RNFT1: variants seen among roughly 807,000 people sequenced by gnomAD.
The protein encoded by RNFT1 is E3 ubiquitin-protein ligase RNFT1.
RNFT1 carries 35 observed loss-of-function variants against 53.2 expected under a neutral mutation model. The observed-to-expected ratio is 0.66, with a 90% CI of 0.50 to 0.87. The LOEUF (loss-of-function observed/expected upper bound fraction) is 0.87, where lower values mean the gene tolerates loss of function less well. Ranked by LOEUF, RNFT1 falls within the 40% of genes least tolerant of loss-of-function variation. RNFT1 has a pLI of 0.00. For synonymous variants in RNFT1, 141 were observed against 172.8 expected (o/e 0.82, Z 1.44); for missense variants, 421 against 515.0 (o/e 0.82, Z 1.77).
At chr17:59,962,740 CTG>C (rs2045303685) in intron 2 of RNFT1, 85 bp downstream of exon 2, 1 of 1,334,960 alleles carries the variant, frequency 7.5e-7, no homozygotes, top group Non-Finnish European at 1.0e-6. Flanking sequence ...AAATAAGTAA[CTG>C]GATGCATTAA....
chr17:59,952,775 T>C lies in RNFT1; in HGVS notation c.*202A>G, dbSNP rs2045229050. On this transcript the variant is annotated 3_prime_UTR_variant, in exon 9 of 9. Coordinates refer to ENST00000305783, the MANE Select transcript of RNFT1 (RefSeq NM_016125.4). ...ATTAGAATAGAATAAATGTTGCATA[T>C]ACATTAGGTTGAACATTATATATAT... 7.1e-6 allele frequency: 3 copies of C among 421,104 alleles called. No homozygotes were observed. Among genetic ancestry groups the C allele is most frequent in the Non-Finnish European group, 8.4e-6 (2 of 238,642 alleles). 26.1% of individuals were successfully genotyped at this position (421,104 alleles called of 1,614,324 possible). A position where few individuals can be genotyped will look rare whatever the true frequency, so the allele number is the denominator to read the frequency against.
At chr17:59,958,173 A>T (rs1006575289) in intron 5 of RNFT1, 118 bp downstream of exon 5, 2 of 983,132 alleles carry the variant, frequency 2.0e-6, no homozygotes, top group Non-Finnish European at 3.0e-6. Context: ...TAATACAGAT[A>T]ATTAAGCTAG....
chr17:59,961,882 C>CTTTTTT (rs71370154), intron 3 of RNFT1, among the ~76,000 whole-genome samples: 8 of 91,454 alleles, frequency 8.7e-5, no homozygotes, highest in East Asian at 6.8e-4. Context: ...TGGCCCAGGT[C>CTTTTTT]TTTTTTTTTT....
At chr17:59,955,315 T>C (rs184288755) in intron 7 of RNFT1, among the ~76,000 whole-genome samples, 4 of 152,286 alleles carry the variant, frequency 2.6e-5, no homozygotes, top group Admixed American at 2.6e-4. Context: ...GCAAAGTACA[T>C]TTGCAGATAA....
Position 59,963,146 on chromosome 17 carries a change from T to C in RNFT1, c.195A>G (p.Thr65=). Residue 65 remains threonine, a synonymous_variant, in exon 2 of 9, where the codon ACA becomes ACG. Coordinates refer to ENST00000305783, the MANE Select transcript of RNFT1 (RefSeq NM_016125.4). The part of the protein sequence containing the change: ...EDASTPQCVH[T]RLTGEGSCPH... The stretch of plus-strand genomic sequence containing the variant: ...GGCAAGAACCCTCTCCTGTCAATCT[T>C]GTGTGGACACACTGAGGGGTTGAGG... The C allele has an allele frequency of 6.2e-7, 1 of 1,614,266 alleles. No homozygotes were observed. Among genetic ancestry groups the C allele is most frequent in the Non-Finnish European group, 8.5e-7 (1 of 1,180,048 alleles).
chr17:59,956,238 G>A (rs2045253348), intron 7 of RNFT1, among the ~76,000 whole-genome samples: 1 of 152,138 alleles, frequency 6.6e-6, no homozygotes, highest in African/African-American at 2.4e-5. Flanking sequence ...AGAGGCAAGA[G>A]ACAAGTTCAA....
chr17:59,964,553 C>G, intron 1 of RNFT1, 55 bp downstream of exon 1: 3 of 1,538,796 alleles, frequency 1.9e-6, no homozygotes, highest in Non-Finnish European at 1.8e-6. Flanking sequence ...CCCAGAGCCC[C>G]CTGCGCCGCG....
rs199598962 is a variant in RNFT1 at position 59,957,374 on chromosome 17, C to T, written c.855G>A (p.Trp285Ter). 7.7e-5 allele frequency: 123 copies of T among 1,605,296 alleles called. No individual in the cohort carries two copies. In the African/African-American group the frequency reaches 1.5e-3, roughly 20 times the overall value. ...GACACAATTCTTCTAAAAGCATATA[C>T]CAGTAACCCTAAAAAATAAGAAGAA... is the stretch of plus-strand genomic sequence containing the variant. ...FIMPFKSKGY[W>*]YMLLEELCQY... Residue 285 changes from tryptophan (W) to a stop codon, truncating the protein, a stop_gained, in exon 6 of 9, where the codon TGG becomes TGA. Transcript: ENST00000305783. LOFTEE classifies it high-confidence loss of function.
At chr17:59,954,645 T>C in intron 7 of RNFT1, among the ~76,000 whole-genome samples, 1 of 152,228 alleles carries the variant, frequency 6.6e-6, no homozygotes, top group East Asian at 1.9e-4. Context: ...CATATTGGGA[T>C]GTGACCCAGT....
At chr17:59,960,005 C>G (rs1018635419) in intron 4 of RNFT1, 63 bp downstream of exon 4, 2 of 1,480,288 alleles carry the variant, frequency 1.4e-6, no homozygotes, top group Non-Finnish European at 1.8e-6. Context: ...AAGTAAGATA[C>G]AAAGTGCTAT....
At chr17:59,962,427 T>C in intron 3 of RNFT1, 113 bp downstream of exon 3, 1 of 669,108 alleles carries the variant, frequency 1.5e-6, no homozygotes, top group Non-Finnish European at 2.6e-6. Context: ...TGTTACAATA[T>C]ATCCTATTAC....
chr17:59,955,450 T>TC (rs1404359828), intron 7 of RNFT1, among the ~76,000 whole-genome samples: 3 of 152,218 alleles, frequency 2.0e-5, no homozygotes, highest in Non-Finnish European at 2.9e-5. Context: ...ACTGATATCC[T>TC]CTCTGTAGTT....
intron 5 of RNFT1, among the ~76,000 whole-genome samples, chr17:59,957,878 G>T (rs955414632): frequency 4.2e-4 from 64 of 152,014 alleles, no homozygotes; most frequent in African/African-American, 1.4e-3. Flanking sequence ...AAGATACAAT[G>T]AGAATGTTTT....
intron 1 of RNFT1, among the ~76,000 whole-genome samples, chr17:59,964,119 CAG>C (rs1568547916): frequency 1.3e-5 from 2 of 152,146 alleles, no homozygotes; most frequent in Non-Finnish European, 2.9e-5. Flanking sequence ...CTCCTAGAAA[CAG>C]AAGAACAGAG....
chr17:59,957,488 A>G (rs2045261506), intron 5 of RNFT1, 106 bp from the exon 6 acceptor site: 3 of 734,728 alleles, frequency 4.1e-6, no homozygotes, highest in Non-Finnish European at 6.2e-6. Flanking sequence ...TAATATAAAT[A>G]ACTATAAAAT....
Position 59,952,964 on chromosome 17 carries a change from TA to T in RNFT1, c.*12del, listed in dbSNP as rs2045230401. 9.3e-6 allele frequency: 15 copies of T among 1,610,122 alleles called. No individual in the cohort carries two copies. The highest frequency in any genetic ancestry group is 1.2e-5 in the Non-Finnish European group (14 of 1,178,574). On this transcript the variant is annotated 3_prime_UTR_variant, in exon 9 of 9. Transcript: ENST00000305783. ...TGACATTAGTATTTTGTGGCCTTGA[TA>T]GTTTATACAACTTAATATATTTGAA... is the stretch of plus-strand genomic sequence containing the variant.
chr17:59,954,118 T>G lies in RNFT1; in HGVS notation c.1100A>C (p.Gln367Pro), dbSNP rs200572570. ...PSYGVAASKR[Q>P]CSDVDDICSI... ...ACAAATATCATCCACATCTGAACAC[T>G]GTCTCTTGCTGGCAGCCACTCCATA... Residue 367 changes from glutamine to proline, a missense_variant, in exon 8 of 9, where the codon CAG becomes CCG. Coordinates refer to ENST00000305783, the MANE Select transcript of RNFT1 (RefSeq NM_016125.4). The G allele has an allele frequency of 1.9e-6, 3 of 1,601,670 alleles. No individual in the cohort carries two copies. Among genetic ancestry groups the G allele is most frequent in the Non-Finnish European group, 2.6e-6 (3 of 1,176,088 alleles).
chr17:59,960,468 T>TA (rs2045282792), intron 3 of RNFT1, among the ~76,000 whole-genome samples: 7 of 124,218 alleles, frequency 5.6e-5, no homozygotes, highest in Admixed American at 8.0e-5. Context: ...AAAATTAAAT[T>TA]AAATTAAAAA....
chr17:59,953,350 A>G (rs1285397579), intron 8 of RNFT1, among the ~76,000 whole-genome samples: 1 of 152,090 alleles, frequency 6.6e-6, no homozygotes, highest in Non-Finnish European at 1.5e-5. Context: ...GGTGACCACC[A>G]CCACCATGCC....
Sources: gnomAD v4.1 joint callset for allele counts (sites outside exome capture counted in the v4.1 genomes callset) on GRCh38, gnomAD v4.1.1 for gene constraint, MANE v1.5 for transcripts, NCBI Gene and HGNC (gene_info 2026-07-23, HGNC 2026-07-21) for gene names.